Variants in PPARGC1A observed in about 807,000 individuals in gnomAD.
The protein encoded by PPARGC1A is peroxisome proliferator-activated receptor gamma coactivator 1-alpha.
In PPARGC1A, 25 loss-of-function variants were observed where a neutral mutation model predicts 88.7. That is an observed-to-expected ratio of 0.28 (90% CI 0.21 to 0.39). The LOEUF (loss-of-function observed/expected upper bound fraction) is 0.39, where lower values mean the gene tolerates loss of function less well. Among genes scored for constraint, PPARGC1A ranks in the 10% least tolerant of loss-of-function variants. The pLI, the probability that PPARGC1A is intolerant of heterozygous loss-of-function variation, is 1.00. For missense variants in PPARGC1A, 880 were observed against 968.7 expected (o/e 0.91, Z 1.22); for synonymous variants, 363 against 355.6 (o/e 1.02, Z -0.24).
the PPARGC1A span, among the ~76,000 whole-genome samples, chr4:24,302,039 G>A: frequency 6.6e-5 from 10 of 152,052 alleles, no homozygotes; most frequent in Non-Finnish European, 1.3e-4. Context: ...TATTCCCTTC[G>A]TTTCCCCCCA....
the PPARGC1A span, among the ~76,000 whole-genome samples, chr4:24,242,661 A>G: frequency 6.6e-6 from 1 of 152,062 alleles, no homozygotes; most frequent in Non-Finnish European, 1.5e-5. Flanking sequence ...CCCCTAAACA[A>G]TTCTTAAAGT....
chr4:24,005,449 C>T, the PPARGC1A span, among the ~76,000 whole-genome samples: 2 of 152,172 alleles, frequency 1.3e-5, no homozygotes, highest in Non-Finnish European at 2.9e-5. Flanking sequence ...ATTATCCCAA[C>T]CCCGTCCCCT....
chr4:24,108,128 C>A, the PPARGC1A span, among the ~76,000 whole-genome samples: 1 of 152,052 alleles, frequency 6.6e-6, no homozygotes, highest in Non-Finnish European at 1.5e-5. Flanking sequence ...TTCCCATATG[C>A]CTAAATTGCC....
chr4:23,970,068 A>T, the PPARGC1A span, among the ~76,000 whole-genome samples: 2 of 152,216 alleles, frequency 1.3e-5, no homozygotes, highest in Admixed American at 6.5e-5. Context: ...GGTTTAGAGT[A>T]TGACTACCCC....
chr4:23,817,705 T>C (rs1722233061), intron 7 of PPARGC1A, among the ~76,000 whole-genome samples: 1 of 152,142 alleles, frequency 6.6e-6, no homozygotes, highest in Non-Finnish European at 1.5e-5. Context: ...AAAAATAATT[T>C]GGCTAATTCC....
chr4:24,050,842 G>C, the PPARGC1A span, among the ~76,000 whole-genome samples: 1 of 152,076 alleles, frequency 6.6e-6, no homozygotes, highest in African/African-American at 2.4e-5. Flanking sequence ...TATCAGCCTT[G>C]CTACGAAATC....
At chr4:23,802,908 T>A (rs1487322267) in intron 10 of PPARGC1A, among the ~76,000 whole-genome samples, 1 of 152,166 alleles carries the variant, frequency 6.6e-6, no homozygotes, top group African/African-American at 2.4e-5. Flanking sequence ...CCTATCTGTC[T>A]CTGTTCTACT....
At chr4:24,307,997 A>G in the PPARGC1A span, among the ~76,000 whole-genome samples, 1 of 152,216 alleles carries the variant, frequency 6.6e-6, no homozygotes, top group African/African-American at 2.4e-5. Flanking sequence ...AGTTTTAAAA[A>G]GAAATCAGAT....
the PPARGC1A span, among the ~76,000 whole-genome samples, chr4:24,038,537 C>A: frequency 6.6e-6 from 1 of 152,156 alleles, no homozygotes; most frequent in African/African-American, 2.4e-5. Context: ...ATCCAGCCTG[C>A]AAATTCGAAT....
At chr4:24,026,547 A>G in the PPARGC1A span, among the ~76,000 whole-genome samples, 3 of 152,148 alleles carry the variant, frequency 2.0e-5, no homozygotes, top group Non-Finnish European at 2.9e-5. Flanking sequence ...AGTACTCAAG[A>G]TAAGTATGAA....
the PPARGC1A span, among the ~76,000 whole-genome samples, chr4:24,308,147 C>A: frequency 6.6e-6 from 1 of 151,852 alleles, no homozygotes; most frequent in Admixed American, 6.6e-5. Context: ...CAAAAATTAG[C>A]CAGGTGTGGT....
chr4:24,265,797 C>T, the PPARGC1A span, among the ~76,000 whole-genome samples: 3 of 151,196 alleles, frequency 2.0e-5, no homozygotes, highest in East Asian at 5.8e-4. Flanking sequence ...AATTCAATTG[C>T]AGAAAGAAAG....
At chr4:24,303,349 G>A in the PPARGC1A span, among the ~76,000 whole-genome samples, 1 of 152,168 alleles carries the variant, frequency 6.6e-6, no homozygotes, top group African/African-American at 2.4e-5. Context: ...CAGTACATCT[G>A]AATATAACCA....
chr4:24,120,119 T>A, the PPARGC1A span, among the ~76,000 whole-genome samples: 1 of 152,186 alleles, frequency 6.6e-6, no homozygotes, highest in Non-Finnish European at 1.5e-5. Flanking sequence ...CATAAATCTC[T>A]TTTAAAGTAG....
chr4:23,958,184 C>A, the PPARGC1A span, among the ~76,000 whole-genome samples: 2 of 152,082 alleles, frequency 1.3e-5, no homozygotes, highest in African/African-American at 4.8e-5. Flanking sequence ...ATTCGAAGCA[C>A]TGGGCGATTT....
the PPARGC1A span, among the ~76,000 whole-genome samples, chr4:23,945,944 G>C: frequency 6.6e-6 from 1 of 152,116 alleles, no homozygotes; most frequent in African/African-American, 2.4e-5. Context: ...GTCACAAAAG[G>C]CTAGAGATTC....
intron 2 of PPARGC1A, among the ~76,000 whole-genome samples, chr4:23,880,212 T>C (rs1715651965): frequency 6.6e-6 from 1 of 152,240 alleles, no homozygotes; most frequent in Non-Finnish European, 1.5e-5. Context: ...CATATGCATA[T>C]ACTTGTATAT....
chr4:24,113,512 T>C, the PPARGC1A span, among the ~76,000 whole-genome samples: 3 of 152,156 alleles, frequency 2.0e-5, no homozygotes, highest in African/African-American at 7.2e-5. Flanking sequence ...TAGAGAACCC[T>C]TGATCTTAGT....
At chr4:23,886,953 G>A (rs920268391) in intron 1 of PPARGC1A, among the ~76,000 whole-genome samples, 2 of 151,894 alleles carry the variant, frequency 1.3e-5, no homozygotes, top group Non-Finnish European at 2.9e-5. Context: ...TTAAGTTCCT[G>A]TTGTGAAACT....
Sources: gnomAD v4.1 joint callset for allele counts (sites outside exome capture counted in the v4.1 genomes callset) on GRCh38, gnomAD v4.1.1 for gene constraint, MANE v1.5 for transcripts, NCBI Gene and HGNC (gene_info 2026-07-23, HGNC 2026-07-21) for gene names.